RORA: variants seen among roughly 807,000 people sequenced by gnomAD.
The protein encoded by RORA is RAR related orphan receptor A, also known as nuclear receptor ROR-alpha.
Under a neutral mutation model 69.5 loss-of-function variants are expected in RORA, and 7 were observed. The observed-to-expected ratio is 0.10, with a 90% CI of 0.06 to 0.19. RORA has a LOEUF of 0.19. Ranked by LOEUF, RORA falls within the 10% of genes least tolerant of loss-of-function variation. The pLI, the probability that RORA is intolerant of heterozygous loss-of-function variation, is 1.00. For missense variants in RORA, 457 were observed against 663.0 expected, an observed-to-expected ratio of 0.69 and a Z score of 3.41; for synonymous variants, 261 against 240.8, an observed-to-expected ratio of 1.08 and a Z score of -0.78.
intron 2 of RORA, among the ~76,000 whole-genome samples, chr15:60,540,159 G>A (rs1033228248): frequency 6.6e-6 from 1 of 152,078 alleles, no homozygotes; most frequent in Non-Finnish European, 1.5e-5. Flanking sequence ...AACTGCATAC[G>A]TATTTTCTTG....
intron 1 of RORA, among the ~76,000 whole-genome samples, chr15:61,182,543 A>C (rs2079697013): frequency 6.6e-6 from 1 of 152,240 alleles, no homozygotes; most frequent in Non-Finnish European, 1.5e-5. Context: ...AGAGCATCGC[A>C]TGAAGCCACA....
At chr15:61,051,789 C>G (rs888216757) in intron 1 of RORA, among the ~76,000 whole-genome samples, 1 of 152,190 alleles carries the variant, frequency 6.6e-6, no homozygotes, top group African/African-American at 2.4e-5. Context: ...TTTCTTGTGG[C>G]CTCACTGACC....
At chr15:60,579,093 A>G (rs1477813779) in intron 2 of RORA, among the ~76,000 whole-genome samples, 2 of 146,108 alleles carry the variant, frequency 1.4e-5, no homozygotes, top group African/African-American at 5.1e-5. Context: ...TTTTAACAGC[A>G]ACTGCACAGT....
intron 1 of RORA, among the ~76,000 whole-genome samples, chr15:60,906,506 C>T (rs1475453913): frequency 6.6e-6 from 1 of 152,206 alleles, no homozygotes; most frequent in East Asian, 1.9e-4. Flanking sequence ...ATCAAACTGG[C>T]AGGGAGGTGG....
In RORA at chr15:60,997,384, G is replaced by A. The variant is rs28454159; in HGVS notation, c.166+231669C>T. Among the ~76,000 whole-genome samples the A allele has an allele frequency of 5.1e-3, 779 of 152,150 alleles. 7 individuals are homozygous for A. Among genetic ancestry groups the A allele is most frequent in the African/African-American group, 0.018 (739 of 41,500 alleles). On this transcript the variant is annotated intron_variant, in intron 1 of 10. Transcript: ENST00000335670. ...CATACAGCTGTCTCGTGCCAAACAT[G>A]AATCTTCCGAGAGTCAAGTCTGTTC...
chr15:60,844,006 G>T (rs754499), intron 1 of RORA, among the ~76,000 whole-genome samples: 88,570 of 150,868 alleles, frequency 0.59, 26,279 homozygotes, highest in Non-Finnish European at 0.64. Flanking sequence ...CTTTTTTTTT[G>T]GTTATTCTCT....
intron 2 of RORA, among the ~76,000 whole-genome samples, chr15:60,590,174 T>C (rs1424887905): frequency 7.8e-6 from 1 of 128,606 alleles, no homozygotes; most frequent in Non-Finnish European, 1.6e-5. Context: ...CCTCTTCCTC[T>C]ATCTCTCTCT....
chr15:60,828,453 G>A (rs535712609), intron 1 of RORA, among the ~76,000 whole-genome samples: 47 of 152,192 alleles, frequency 3.1e-4, no homozygotes, highest in Non-Finnish European at 4.6e-4. Flanking sequence ...TCTAGTGCAC[G>A]TAAAGTCTGG....
intron 1 of RORA, among the ~76,000 whole-genome samples, chr15:61,216,182 T>C (rs552365258): frequency 6.6e-6 from 1 of 152,306 alleles, no homozygotes; most frequent in African/African-American, 2.4e-5. Context: ...GCAAGTTTAA[T>C]TGATTCTCTA....
In RORA at chr15:60,516,212, TATATATATATTTATATATATATTTA is replaced by T. The variant is rs1567052556; in HGVS notation, c.283-1480_283-1456del. Among the ~76,000 whole-genome samples the T allele has an allele frequency of 3.4e-3, 27 of 7,872 alleles. 1 individual carries two copies. The highest frequency in any genetic ancestry group is 0.017 in the African/African-American group (27 of 1,604). The allele number at this position is 7,872 out of a possible 152,430, so 5.2% of individuals were successfully genotyped here. ...ATATATATATTTATATATATATTTA[TATATATATATTTATATATATATTTA>T]TATATATATATTTATATATATATAT... On this transcript the variant is annotated intron_variant, in intron 3 of 10. Coordinates refer to ENST00000335670, the MANE Select transcript of RORA (RefSeq NM_134261.3).
At chr15:60,761,007 G>C (rs2071879596) in intron 1 of RORA, among the ~76,000 whole-genome samples, 1 of 152,082 alleles carries the variant, frequency 6.6e-6, no homozygotes, top group African/African-American at 2.4e-5. Context: ...CTAAGTTTCT[G>C]GCCCTTCTCC....
At chr15:60,675,399 A>G (rs2070537733) in intron 2 of RORA, among the ~76,000 whole-genome samples, 1 of 152,214 alleles carries the variant, frequency 6.6e-6, no homozygotes, top group South Asian at 2.1e-4. Flanking sequence ...AATTGATCTA[A>G]TATTAAAAAC....
Position 60,597,617 on chromosome 15 carries a change from T to TAC in RORA, c.197-65768_197-65767dup, listed in dbSNP as rs1555436026. On this transcript the variant is annotated intron_variant, in intron 2 of 10. Transcript: ENST00000335670. ...ATACACATATATATATATATATATATACATACATATATATACATATATATA... is the reference window on the plus strand; with the variant it reads ...ATACACATATATATATATATATATATACACATACATATATATACATATATATA... 1.8e-4 allele frequency among the ~76,000 whole-genome samples: 8 copies of TAC among 43,528 alleles called. 1 individual carries two copies. Among genetic ancestry groups the TAC allele is most frequent in the South Asian group, 1.5e-3 (2 of 1,294 alleles). The allele number at this position is 43,528 out of a possible 152,430, so 28.6% of individuals were successfully genotyped here.
intron 2 of RORA, among the ~76,000 whole-genome samples, chr15:60,626,931 T>C (rs1384104338): frequency 6.6e-6 from 1 of 152,198 alleles, no homozygotes; most frequent in Admixed American, 6.5e-5. Context: ...GTGCTTCAGC[T>C]GCTGCCTACC....
At position 60,550,909 on chromosome 15, in the gene RORA, G is replaced by A. The variant is rs532957900; in HGVS notation, c.197-19058C>T. On this transcript the variant is annotated intron_variant, in intron 2 of 10. Transcript: ENST00000335670. ...AAAGAAACATTTTGCATAACTGCTGGTTTTGCTGCTCCTTCTGCTAATTTA... is the reference window on the plus strand; with the variant it reads ...AAAGAAACATTTTGCATAACTGCTGATTTTGCTGCTCCTTCTGCTAATTTA... Among the ~76,000 whole-genome samples the A allele has an allele frequency of 2.3e-4, 35 of 152,234 alleles. No individual in the cohort carries two copies. In the South Asian group the frequency reaches 2.7e-3, roughly 12 times the overall value.
At chr15:60,602,894 C>A (rs564317000) in intron 2 of RORA, among the ~76,000 whole-genome samples, 1 of 152,114 alleles carries the variant, frequency 6.6e-6, no homozygotes, top group African/African-American at 2.4e-5. Context: ...CAGAACAGTT[C>A]TATTCCCCTC....
At chr15:60,763,176 G>A (rs576518399) in intron 1 of RORA, among the ~76,000 whole-genome samples, 93 of 135,874 alleles carry the variant, frequency 6.8e-4, no homozygotes, top group Non-Finnish European at 1.3e-3. Flanking sequence ...TTCCCAAAAC[G>A]TTCTCAGCGA....
chr15:61,090,193 C>A (rs2078684990), intron 1 of RORA, among the ~76,000 whole-genome samples: 1 of 152,214 alleles, frequency 6.6e-6, no homozygotes, highest in Non-Finnish European at 1.5e-5. Flanking sequence ...TTCTGAGGAT[C>A]AACCATTTCA....
intron 2 of RORA, among the ~76,000 whole-genome samples, chr15:60,533,835 G>A (rs1281144724): frequency 6.6e-6 from 1 of 152,194 alleles, no homozygotes; most frequent in Non-Finnish European, 1.5e-5. Context: ...ACTTGGAGCT[G>A]CTTCTGTCCA....
Sources: allele counts gnomAD v4.1 joint callset (sites outside exome capture counted in the v4.1 genomes callset), GRCh38; gene constraint gnomAD v4.1.1; transcripts MANE v1.5; gene names NCBI Gene and HGNC (gene_info 2026-07-23, HGNC 2026-07-21).